The following SCN11A variants were observed in gnomAD, a reference collection of about 807,000 sequenced individuals.
SCN11A encodes sodium voltage-gated channel alpha subunit 11.
In SCN11A, 122 loss-of-function variants were observed where a neutral mutation model predicts 162.2. The ratio of observed to expected loss-of-function variants is 0.75; its 90% CI spans 0.65 to 0.87. SCN11A has a LOEUF of 0.87. Ranked by LOEUF, SCN11A falls within the 40% of genes least tolerant of loss-of-function variation. The probability of loss-of-function intolerance (pLI) is 0.00; values close to 1 mark genes in which losing one functional copy is unlikely to be tolerated. For missense variants in SCN11A, 2,015 were observed against 2,181.6 expected, an observed-to-expected ratio of 0.92 and a Z score of 1.52; for synonymous variants, 758 against 751.5, an observed-to-expected ratio of 1.01 and a Z score of -0.14.
chr3:38,955,951 C>A (rs369199904), intron 3 of SCN11A, among the ~76,000 whole-genome samples: 2 of 152,148 alleles, frequency 1.3e-5, no homozygotes, highest in African/African-American at 4.8e-5. Context: ...CAAACCTGCA[C>A]GTTCGGCACA....
intron 13 of SCN11A, among the ~76,000 whole-genome samples, 169 bp downstream of exon 13, chr3:38,908,828 G>A (rs1350089687): frequency 1.3e-5 from 2 of 152,164 alleles, no homozygotes; most frequent in African/African-American, 4.8e-5. Context: ...TTTTGTGAAA[G>A]ATAGCAGCAC....
In SCN11A at chr3:38,992,457, T is replaced by C. The variant is rs565943300; in HGVS notation, c.-279-32034A>G. 6.0e-4 allele frequency among the ~76,000 whole-genome samples: 91 copies of C among 152,364 alleles called. No homozygotes were observed. The South Asian group carries it at 0.018, about 31-fold the overall frequency. ...TAAATATAACTGCTGATTTCTGTTA[T>C]CTGTCTTTACAAACAAACTGCATCC... On this transcript the variant is annotated intron_variant, in intron 2 of 29. Transcript: ENST00000302328.
intron 2 of SCN11A, among the ~76,000 whole-genome samples, chr3:39,023,522 T>TA (rs1446231564): frequency 1.3e-5 from 2 of 152,182 alleles, no homozygotes; most frequent in African/African-American, 2.4e-5. Flanking sequence ...AGTAGGTTTA[T>TA]AAAAAATACC....
At chr3:38,938,550 ATTTTTTTTTTTTTTTT>A (rs71085342) in intron 7 of SCN11A, among the ~76,000 whole-genome samples, 2 of 14,532 alleles carry the variant, frequency 1.4e-4, no homozygotes, top group African/African-American at 4.7e-4. Flanking sequence ...ATATATATAT[ATTTTTTTTTTTTTTTT>A]TTTTTTTTTT....
intron 17 of SCN11A, 53 bp downstream of exon 17, chr3:38,899,840 GT>G: frequency 6.7e-7 from 1 of 1,490,504 alleles, no homozygotes; most frequent in Non-Finnish European, 9.2e-7. Flanking sequence ...CACTCAAAAC[GT>G]TTTTTCCACT....
chr3:38,921,292 C>A (rs1575294091), intron 9 of SCN11A, 37 bp from the exon 10 acceptor site: 2 of 1,597,076 alleles, frequency 1.3e-6, no homozygotes, highest in Non-Finnish European at 1.7e-6. Context: ...AAGCCCATCC[C>A]CCTCAGCCAG....
intron 23 of SCN11A, among the ~76,000 whole-genome samples, chr3:38,879,265 G>A (rs2065269933): frequency 6.6e-6 from 1 of 152,166 alleles, no homozygotes; most frequent in South Asian, 2.1e-4. Context: ...AAGAGAGAAG[G>A]CATTTGGAGC....
Position 38,945,994 on chromosome 3 carries a change from C to G in SCN11A, c.387-482G>C, listed in dbSNP as rs536324270. ...CAAATAGTTATTCATTGCCATTCTC[C>G]TCAATATTTTACTAAATCTACCAAC... is the stretch of plus-strand genomic sequence containing the variant. On this transcript the variant is annotated intron_variant, in intron 6 of 29. Coordinates refer to ENST00000302328, the MANE Select transcript of SCN11A (RefSeq NM_001349253.2). 2.0e-5 allele frequency among the ~76,000 whole-genome samples: 3 copies of G among 152,310 alleles called. No individual in the cohort carries two copies. In the South Asian group the frequency reaches 6.2e-4, roughly 32 times the overall value.
intron 7 of SCN11A, among the ~76,000 whole-genome samples, chr3:38,927,137 A>AATTGTGAAGCTGCATTTCAAGGCCTAG (rs1433951031): frequency 6.6e-6 from 1 of 152,176 alleles, no homozygotes; most frequent in Non-Finnish European, 1.5e-5. Context: ...CCCAGAGATA[A>AATTGTGAAGCTGCATTTCAAGGCCTAG]ATTGTGAAGC....
At chr3:38,870,628 A>G in intron 26 of SCN11A, 63 bp downstream of exon 26, 1 of 1,388,818 alleles carries the variant, frequency 7.2e-7, no homozygotes, top group South Asian at 1.2e-5. Flanking sequence ...TGGACTGTCC[A>G]TGTAGTCATG....
At chr3:38,869,395 T>C (rs2065090091) in intron 26 of SCN11A, among the ~76,000 whole-genome samples, 1 of 152,090 alleles carries the variant, frequency 6.6e-6, no homozygotes, top group South Asian at 2.1e-4. Flanking sequence ...ATTGTAATTA[T>C]AAAATTATGT....
rs374016713 is a variant in SCN11A at position 38,954,030 on chromosome 3, G to A, written c.-138-271C>T. Among the ~76,000 whole-genome samples, 9 of 152,272 alleles carry A rather than the reference G, an allele frequency of 5.9e-5. 1 individual carries two copies. In the East Asian group the frequency reaches 1.5e-3, roughly 26 times the overall value. ...GATTGTGTTTCAGGGCCATGATAAAGGCAATGTATGATCCTTCAAGTATAC... is the reference window on the plus strand; with the variant it reads ...GATTGTGTTTCAGGGCCATGATAAAAGCAATGTATGATCCTTCAAGTATAC... On this transcript the variant is annotated intron_variant, in intron 3 of 29. Transcript: ENST00000302328.
intron 22 of SCN11A, among the ~76,000 whole-genome samples, chr3:38,882,031 A>C (rs1192787574): frequency 6.6e-6 from 1 of 152,234 alleles, no homozygotes; most frequent in Non-Finnish European, 1.5e-5. Flanking sequence ...AACAGTAGAC[A>C]GCCAGTGAAA....
At chr3:39,027,398 C>T (rs1255256262) in intron 2 of SCN11A, among the ~76,000 whole-genome samples, 11 of 152,058 alleles carry the variant, frequency 7.2e-5, no homozygotes, top group Non-Finnish European at 1.3e-4. Context: ...AGGTTGACAC[C>T]AGTTTTTCAA....
chr3:38,864,008 T>G (rs922948422), intron 27 of SCN11A, among the ~76,000 whole-genome samples: 1 of 152,160 alleles, frequency 6.6e-6, no homozygotes, highest in Admixed American at 6.6e-5. Flanking sequence ...TACTAATCTC[T>G]GTAAACTAGA....
intron 9 of SCN11A, among the ~76,000 whole-genome samples, chr3:38,922,395 G>A (rs989720276): frequency 6.6e-6 from 1 of 152,224 alleles, no homozygotes; most frequent in Non-Finnish European, 1.5e-5. Context: ...AAGAAATGTG[G>A]ATGAGTGATG....
At chr3:39,039,017 T>A (rs983638148) in intron 1 of SCN11A, among the ~76,000 whole-genome samples, 1 of 152,250 alleles carries the variant, frequency 6.6e-6, no homozygotes, top group Non-Finnish European at 1.5e-5. Context: ...TGTTTAAAGA[T>A]ATACCAGCAG....
intron 23 of SCN11A, among the ~76,000 whole-genome samples, chr3:38,879,483 A>G (rs2065272527): frequency 6.6e-6 from 1 of 152,206 alleles, no homozygotes; most frequent in Non-Finnish European, 1.5e-5. Flanking sequence ...CTTAATTCAG[A>G]ACATTGTCAT....
chr3:38,985,123 G>A (rs1310504411), intron 2 of SCN11A, among the ~76,000 whole-genome samples: 1 of 148,666 alleles, frequency 6.7e-6, no homozygotes, highest in Non-Finnish European at 1.5e-5. Context: ...TTTCTGGCTG[G>A]CTGTCTTTTT....
Sources: allele counts gnomAD v4.1 joint callset (sites outside exome capture counted in the v4.1 genomes callset), GRCh38; gene constraint gnomAD v4.1.1; transcripts MANE v1.5; gene names NCBI Gene and HGNC (gene_info 2026-07-23, HGNC 2026-07-21).